DDX4: variants seen among roughly 807,000 people sequenced by gnomAD.
DDX4 encodes DEAD-box helicase 4.
In DDX4, 25 loss-of-function variants were observed where a neutral mutation model predicts 100.0. The ratio of observed to expected loss-of-function variants is 0.25; its 90% confidence interval spans 0.18 to 0.35. DDX4 has a LOEUF of 0.35. Ranked by LOEUF, DDX4 falls within the 10% of genes least tolerant of loss-of-function variation. The pLI is 1.00. For missense variants in DDX4, 635 were observed against 882.4 expected (o/e 0.72, Z 3.55); for synonymous variants, 259 against 275.7 (o/e 0.94, Z 0.60).
intron 4 of DDX4, among the ~76,000 whole-genome samples, chr5:55,760,840 T>C (rs1354168568): frequency 6.6e-6 from 1 of 152,200 alleles, no homozygotes; most frequent in Non-Finnish European, 1.5e-5. Flanking sequence ...GCTAGAAATA[T>C]GTGCTATATT....
intron 17 of DDX4, among the ~76,000 whole-genome samples, chr5:55,796,386 C>T (rs1742939057): frequency 6.6e-6 from 1 of 152,212 alleles, no homozygotes; most frequent in Non-Finnish European, 1.5e-5. Flanking sequence ...TTCTCTATTT[C>T]CCACCTTAAT....
intron 2 of DDX4, among the ~76,000 whole-genome samples, chr5:55,740,008 G>A (rs1396234315): frequency 3.9e-5 from 6 of 152,044 alleles, no homozygotes; most frequent in South Asian, 2.1e-4. Flanking sequence ...GATTACAGGC[G>A]CAAGCCATTG....
intron 2 of DDX4, among the ~76,000 whole-genome samples, chr5:55,739,806 A>G (rs1758877876): frequency 6.6e-6 from 1 of 152,160 alleles, no homozygotes; most frequent in South Asian, 2.1e-4. Context: ...TTTGATCTAT[A>G]TGTGAAGTTT....
chr5:55,738,500 T>TACCCGTACCCCTG (rs1758814684), intron 1 of DDX4, among the ~76,000 whole-genome samples: 2 of 148,882 alleles, frequency 1.3e-5, no homozygotes, highest in Admixed American at 6.7e-5. Flanking sequence ...CCCGTACCCC[T>TACCCGTACCCCTG]GTCCCCGCCC....
At chr5:55,776,944 T>C (rs1340684711) in intron 7 of DDX4, among the ~76,000 whole-genome samples, 1 of 152,194 alleles carries the variant, frequency 6.6e-6, no homozygotes, top group African/African-American at 2.4e-5. Flanking sequence ...ATTAAAATAC[T>C]AGCAAATGAA....
intron 9 of DDX4, among the ~76,000 whole-genome samples, chr5:55,781,457 A>G (rs141945582): frequency 1.8e-3 from 278 of 152,264 alleles, no homozygotes; most frequent in African/African-American, 4.8e-3. Flanking sequence ...ATTGATGAAA[A>G]ATGTTCAAAT....
chr5:55,756,192 A>G (rs1261655139), intron 3 of DDX4, among the ~76,000 whole-genome samples: 1 of 152,292 alleles, frequency 6.6e-6, no homozygotes, highest in Non-Finnish European at 1.5e-5. Context: ...TTCGGTGGAT[A>G]TAAAAATCTT....
Position 55,815,308 on chromosome 5 carries a change from T to C in DDX4, c.1987-5T>C. ...TGTTGCATATGAAGTCAATTTTTTT[T>C]AAAGGCTCAACAGGATGTTCCTGCA... is the stretch of plus-strand genomic sequence containing the variant. On this transcript the variant is annotated splice_region_variant and splice_polypyrimidine_tract_variant and intron_variant, in intron 20 of 21. Coordinates refer to ENST00000505374, the MANE Select transcript of DDX4 (RefSeq NM_024415.3). 6.2e-7 allele frequency: 1 copy of C among 1,604,976 alleles called. No individual in the cohort carries two copies. Among genetic ancestry groups the C allele is most frequent in the Non-Finnish European group, 8.5e-7 (1 of 1,177,810 alleles).
intron 3 of DDX4, among the ~76,000 whole-genome samples, chr5:55,748,500 GT>G (rs3840126): frequency 0.12 from 16,910 of 147,010 alleles, 1,419 homozygotes; most frequent in East Asian, 0.29. Flanking sequence ...TAAAAGCTAA[GT>G]TTTTTTTTTT....
chr5:55,765,519 A>C (rs1177009750), intron 6 of DDX4, among the ~76,000 whole-genome samples: 1 of 150,134 alleles, frequency 6.7e-6, no homozygotes, highest in African/African-American at 2.4e-5. Context: ...CTGGACACAA[A>C]TGGATAGTAT....
intron 7 of DDX4, among the ~76,000 whole-genome samples, chr5:55,771,791 G>A (rs1390943539): frequency 2.0e-5 from 3 of 152,188 alleles, no homozygotes; most frequent in Admixed American, 1.3e-4. Context: ...CTAATGGAAT[G>A]TGGAGCACTT....
At chr5:55,779,937 G>A in intron 7 of DDX4, 27 bp from the exon 8 acceptor site, 1 of 1,606,346 alleles carries the variant, frequency 6.2e-7, no homozygotes, top group South Asian at 1.1e-5. Context: ...GTTTTGTGTT[G>A]TTCTTGTGTG....
intron 1 of DDX4, 58 bp downstream of exon 1, chr5:55,738,159 G>T (rs981390161): frequency 1.3e-5 from 2 of 152,318 alleles, no homozygotes; most frequent in African/African-American, 2.4e-5. Flanking sequence ...GGGCTCCCCA[G>T]TAACCGACCT....
intron 7 of DDX4, 96 bp downstream of exon 7, chr5:55,768,036 G>C (rs1226483902): frequency 9.0e-7 from 1 of 1,111,016 alleles, no homozygotes; most frequent in African/African-American, 1.6e-5. Flanking sequence ...CACTGATCGT[G>C]AAAACCTTTG....
intron 18 of DDX4, among the ~76,000 whole-genome samples, chr5:55,808,971 G>C (rs374494830): frequency 6.6e-6 from 1 of 152,206 alleles, no homozygotes; most frequent in Admixed American, 6.5e-5. Flanking sequence ...CACCCAGTTC[G>C]AGCTTCCTGG....
chr5:55,816,670 T>TAA lies in DDX4; in HGVS notation c.*139_*140dup. On this transcript the variant is annotated 3_prime_UTR_variant, in exon 22 of 22. Coordinates refer to ENST00000505374, the MANE Select transcript of DDX4 (RefSeq NM_024415.3). ...GTCCTTGTATTCTCACTCCTACACT[T>TAA]AAAAAAAAAATCCTTACTGACTAGT... The TAA allele has an allele frequency of 7.7e-7, 1 of 1,298,878 alleles. No homozygotes were observed. The highest frequency in any genetic ancestry group is 1.0e-6 in the Non-Finnish European group (1 of 988,000). The allele number at this position is 1,298,878 out of a possible 1,614,324, so 80.5% of individuals were successfully genotyped here. A position where few individuals can be genotyped will look rare whatever the true frequency, so the allele number is the denominator to read the frequency against.
intron 10 of DDX4, 194 bp downstream of exon 10, chr5:55,782,175 T>A: frequency 1.7e-6 from 1 of 581,824 alleles, no homozygotes; most frequent in East Asian, 2.8e-5. Context: ...CTCCAGGTTA[T>A]TGCCTCTCTG....
At position 55,788,461 on chromosome 5, in the gene DDX4, T is replaced by A. The variant is rs181518018; in HGVS notation, c.1172+461T>A. Among the ~76,000 whole-genome samples the A allele has an allele frequency of 2.0e-4, 31 of 152,064 alleles. No homozygotes were observed. The East Asian group carries it at 5.4e-3, about 27-fold the overall frequency. Reference sequence around the variant, plus strand: ...ACCACACTCAGAGCGAGACCCTGTCTCCAAAAAAGTAAAATTTTAATTTAA... The same window carrying A: ...ACCACACTCAGAGCGAGACCCTGTCACCAAAAAAGTAAAATTTTAATTTAA... On this transcript the variant is annotated intron_variant, in intron 15 of 21. Coordinates refer to ENST00000505374, the MANE Select transcript of DDX4 (RefSeq NM_024415.3).
In DDX4 at chr5:55,780,935, G is replaced by A. The variant is rs1741875377; in HGVS notation, c.497-131G>A. 4 of 651,206 alleles carry A rather than the reference G, an allele frequency of 6.1e-6. No homozygotes were observed. In the Admixed American group the frequency reaches 1.0e-4, roughly 17 times the overall value. 40.3% of individuals were successfully genotyped at this position (651,206 alleles called of 1,614,324 possible). A position where few individuals can be genotyped will look rare whatever the true frequency, so the allele number is the denominator to read the frequency against. On this transcript the variant is annotated intron_variant, in intron 8 of 21. Transcript: ENST00000505374. ...TAGAATAGTTTAACTTAGTTTAATA[G>A]GACAGTATTTTTCTATTTTACCCTG...
Sources: allele counts gnomAD v4.1 joint callset (sites outside exome capture counted in the v4.1 genomes callset), GRCh38; gene constraint gnomAD v4.1.1; transcripts MANE v1.5; gene names NCBI Gene and HGNC (gene_info 2026-07-23, HGNC 2026-07-21).